Variants in AP2A1 observed in about 807,000 individuals in gnomAD.
The protein encoded by AP2A1 is AP-2 complex subunit alpha-1.
Under a neutral mutation model 107.3 loss-of-function variants are expected in AP2A1, and 21 were observed. The ratio of observed to expected loss-of-function variants is 0.20; its 90% CI spans 0.14 to 0.28. AP2A1 has a LOEUF of 0.28. Among genes scored for constraint, AP2A1 ranks in the 10% least tolerant of loss-of-function variants. The pLI, the probability that AP2A1 is intolerant of heterozygous loss-of-function variation, is 1.00. For missense variants in AP2A1, 873 were observed against 1,307.7 expected, an observed-to-expected ratio of 0.67 and a Z score of 5.13; for synonymous variants, 602 against 564.8, an observed-to-expected ratio of 1.07 and a Z score of -0.93.
intron 6 of AP2A1, among the ~76,000 whole-genome samples, chr19:49,795,220 C>T (rs1454271501): frequency 6.6e-6 from 1 of 152,194 alleles, no homozygotes; most frequent in East Asian, 1.9e-4. Flanking sequence ...CAGAAGGGAA[C>T]CAGCAGAGAC....
chr19:49,792,198 C>A, intron 5 of AP2A1, 134 bp downstream of exon 5: 1 of 966,210 alleles, frequency 1.0e-6, no homozygotes, highest in South Asian at 1.6e-5. Context: ...CCCACGCACC[C>A]CCTGGATGCC....
chr19:49,804,699 A>C (rs1001941094), intron 18 of AP2A1, among the ~76,000 whole-genome samples: 1 of 152,168 alleles, frequency 6.6e-6, no homozygotes, highest in African/African-American at 2.4e-5. Context: ...ATCTTTGTGT[A>C]CTTACCATGT....
At chr19:49,778,780 A>G (rs917817452) in intron 1 of AP2A1, among the ~76,000 whole-genome samples, 2 of 152,154 alleles carry the variant, frequency 1.3e-5, no homozygotes, top group African/African-American at 2.4e-5. Context: ...GAAATAATAC[A>G]TATTATTTAA....
chr19:49,801,939 C>CCGGG, intron 14 of AP2A1, 42 bp from the exon 15 acceptor site: 1 of 1,457,722 alleles, frequency 6.9e-7, no homozygotes, highest in Non-Finnish European at 9.0e-7. Context: ...CTGGGTCCTG[C>CCGGG]CGGGCGCCGC....
chr19:49,798,010 T>C (rs1161867375), intron 7 of AP2A1, among the ~76,000 whole-genome samples: 1 of 152,204 alleles, frequency 6.6e-6, no homozygotes, highest in Non-Finnish European at 1.5e-5. Context: ...GAGATGCCAT[T>C]GCTGTGTGTC....
At chr19:49,771,145 C>T (rs1208507607) in intron 1 of AP2A1, among the ~76,000 whole-genome samples, 2 of 151,594 alleles carry the variant, frequency 1.3e-5, no homozygotes, top group Non-Finnish European at 2.9e-5. Context: ...GCTACCATGC[C>T]CGGCAGCATT....
chr19:49,799,199 G>A (rs1487515913), intron 8 of AP2A1, 128 bp from the exon 9 acceptor site: 23 of 1,237,248 alleles, frequency 1.9e-5, no homozygotes, highest in East Asian at 5.1e-5. Flanking sequence ...GCAGTACTGC[G>A]ATGCAAGGCC....
Position 49,782,723 on chromosome 19 carries a change from G to A in AP2A1, c.472G>A (p.Gly158Arg), listed in dbSNP as rs2123695256. The change falls in exon 4 of 23, where the codon GGG (glycine) becomes AGG (arginine). Residue 158 changes from glycine to arginine, a missense_variant and splice_region_variant. Gly to Arg is a moderately radical substitution (Grantham distance 125, BLOSUM62 -2). Coordinates refer to ENST00000354293, the MANE Select transcript of AP2A1 (RefSeq NM_130787.3). ...TGACATCCCCCGCATCCTGGTGGCC[G>A]GGTAAGGCACTGGGGACCCGTTGGC... ...AADIPRILVAGDSMDSVKQSA... is the reference protein window; with the variant it reads ...AADIPRILVARDSMDSVKQSA... 1.3e-6 allele frequency: 2 copies of A among 1,597,942 alleles called. No individual in the cohort carries two copies. Among genetic ancestry groups the A allele is most frequent in the Non-Finnish European group, 1.7e-6 (2 of 1,175,268 alleles).
At chr19:49,804,015 A>G (rs1054573720) in intron 18 of AP2A1, 13 of 153,532 alleles carry the variant, frequency 8.5e-5, no homozygotes, top group African/African-American at 3.1e-4. Flanking sequence ...CCAGTGGATC[A>G]TTTGAGGTCA....
At chr19:49,799,910 G>A (rs570465699) in intron 10 of AP2A1, 58 bp from the exon 11 acceptor site, 4 of 1,592,816 alleles carry the variant, frequency 2.5e-6, no homozygotes, top group African/African-American at 1.3e-5. Flanking sequence ...CCAGATCCAG[G>A]TGAGTGAAAG....
intron 1 of AP2A1, among the ~76,000 whole-genome samples, chr19:49,775,303 C>T (rs1259594074): frequency 2.6e-5 from 4 of 152,102 alleles, no homozygotes; most frequent in African/African-American, 7.2e-5. Context: ...TATATCCAAA[C>T]TATTATTTCA....
chr19:49,767,066 C>A lies in AP2A1; in HGVS notation c.-68C>A. 1.3e-6 allele frequency: 2 copies of A among 1,524,588 alleles called. No individual in the cohort carries two copies. The highest frequency in any genetic ancestry group is 1.2e-5 in the South Asian group (1 of 83,272). The allele number at this position is 1,524,588 out of a possible 1,614,324, so 94.4% of individuals were successfully genotyped here. On this transcript the variant is annotated 5_prime_UTR_variant, in exon 1 of 23. Transcript: ENST00000354293. ...CTGCCTGGGGTCCTTTCCGCCCGGT[C>A]CCCGCTTGCCAGCCCCCGCTGCTCT...
At chr19:49,780,375 T>C (rs898839947) in intron 1 of AP2A1, among the ~76,000 whole-genome samples, 2 of 151,926 alleles carry the variant, frequency 1.3e-5, no homozygotes, top group Non-Finnish European at 2.9e-5. Flanking sequence ...GATGGGAAGA[T>C]GACAGGGGAG....
chr19:49,797,309 C>T (rs2073225210), intron 7 of AP2A1: 1 of 152,216 alleles, frequency 6.6e-6, no homozygotes, highest in African/African-American at 2.4e-5. Context: ...TCCCAGCATC[C>T]AGATAAGTAC....
At chr19:49,781,726 C>T (rs1265938600) in intron 1 of AP2A1, 31 bp from the exon 2 acceptor site, 2 of 1,565,940 alleles carry the variant, frequency 1.3e-6, no homozygotes, top group South Asian at 1.2e-5. Flanking sequence ...CCCCAGACCC[C>T]TCACTGCCTA....
At chr19:49,792,840 C>T in intron 5 of AP2A1, 151 bp from the exon 6 acceptor site, 1 of 700,882 alleles carries the variant, frequency 1.4e-6, no homozygotes, top group Non-Finnish European at 2.4e-6. Flanking sequence ...CCTCACCCCA[C>T]CCCTAAAGCA....
intron 4 of AP2A1, among the ~76,000 whole-genome samples, chr19:49,791,344 C>G (rs2073140526): frequency 6.6e-6 from 1 of 152,186 alleles, no homozygotes; most frequent in East Asian, 1.9e-4. Context: ...ATCCTCCCAC[C>G]TCACCCTCCC....
At chr19:49,772,908 G>A (rs1452516983) in intron 1 of AP2A1, among the ~76,000 whole-genome samples, 1 of 151,960 alleles carries the variant, frequency 6.6e-6, no homozygotes, top group Non-Finnish European at 1.5e-5. Context: ...CTGGGGAGTG[G>A]GCAGAGGCTA....
chr19:49,804,109 G>C (rs1016238904), intron 18 of AP2A1: 1 of 152,256 alleles, frequency 6.6e-6, no homozygotes, highest in Non-Finnish European at 1.5e-5. Flanking sequence ...AGTGGCACGC[G>C]ACTGTAATCC....
Sources: allele counts gnomAD v4.1 joint callset (sites outside exome capture counted in the v4.1 genomes callset), GRCh38; gene constraint gnomAD v4.1.1; transcripts MANE v1.5; gene names NCBI Gene and HGNC (gene_info 2026-07-23, HGNC 2026-07-21).